Variants in GLCE observed in about 807,000 individuals in gnomAD.
GLCE encodes the protein D-glucuronyl C5-epimerase.
In GLCE, 19 loss-of-function variants were observed where a neutral mutation model predicts 47.9. That is an observed-to-expected ratio of 0.40 (90% confidence interval 0.28 to 0.58). The LOEUF is 0.58. Ranked by LOEUF, GLCE falls within the 20% of genes least tolerant of loss-of-function variation. GLCE has a pLI of 0.48. For missense variants in GLCE, 556 were observed against 743.3 expected (o/e 0.75, Z 2.93); for synonymous variants, 245 against 263.4 (o/e 0.93, Z 0.68).
At chr15:69,229,225 A>T (rs1039851966) in intron 2 of GLCE, among the ~76,000 whole-genome samples, 3 of 152,244 alleles carry the variant, frequency 2.0e-5, no homozygotes, top group Admixed American at 6.5e-5. Context: ...TGAACTTAAT[A>T]ATTTGGCTTT....
At chr15:69,182,508 G>A (rs768628197) in intron 1 of GLCE, among the ~76,000 whole-genome samples, 1 of 152,106 alleles carries the variant, frequency 6.6e-6, no homozygotes, top group African/African-American at 2.4e-5. Flanking sequence ...TCAGAAGGAA[G>A]ACAAGTAGTT....
At chr15:69,205,256 A>C (rs2052134483) in intron 1 of GLCE, among the ~76,000 whole-genome samples, 1 of 152,094 alleles carries the variant, frequency 6.6e-6, no homozygotes, top group African/African-American at 2.4e-5. Flanking sequence ...AAGCCATTTA[A>C]GACTGTTACA....
At chr15:69,252,065 A>G (rs572050543) in intron 2 of GLCE, among the ~76,000 whole-genome samples, 2 of 152,192 alleles carry the variant, frequency 1.3e-5, no homozygotes, top group South Asian at 4.1e-4. Flanking sequence ...GGAATTACTC[A>G]TTTCTTTAAG....
intron 1 of GLCE, among the ~76,000 whole-genome samples, chr15:69,181,336 A>G (rs2051746010): frequency 6.6e-6 from 1 of 152,214 alleles, no homozygotes; most frequent in Non-Finnish European, 1.5e-5. Context: ...AGATCAGATG[A>G]CTTCACTAAG....
chr15:69,255,860 A>G lies in GLCE; in HGVS notation c.54A>G (p.Ala18=), dbSNP rs762441867. The stretch of plus-strand genomic sequence containing the variant: ...ATAAGACTTTGATTATTATCTGCGC[A>G]CTCTTCACTTTGGTCACAGTACTTT... The part of the protein sequence containing the change: ...VNYKTLIIIC[A]LFTLVTVLLW... The change falls in exon 3 of 5, where the codon GCA becomes GCG. Residue 18 remains alanine, a synonymous_variant. Transcript: ENST00000261858. 13 of 1,613,810 alleles carry G rather than the reference A, an allele frequency of 8.1e-6. No homozygotes were observed. The highest frequency in any genetic ancestry group is 1.1e-5 in the Non-Finnish European group (13 of 1,179,962).
intron 2 of GLCE, among the ~76,000 whole-genome samples, chr15:69,223,675 T>C (rs1047743108): frequency 2.0e-5 from 3 of 152,156 alleles, no homozygotes; most frequent in East Asian, 3.9e-4. Context: ...CTTTCTCTTT[T>C]CTCCTCCTTT....
chr15:69,239,091 G>GT (rs1447380244), intron 2 of GLCE, among the ~76,000 whole-genome samples: 1 of 152,140 alleles, frequency 6.6e-6, no homozygotes, highest in Non-Finnish European at 1.5e-5. Flanking sequence ...ATAGAACCCG[G>GT]TTTTTTCCAC....
chr15:69,251,505 A>G (rs1019947988), intron 2 of GLCE, among the ~76,000 whole-genome samples: 4 of 152,352 alleles, frequency 2.6e-5, no homozygotes, highest in Admixed American at 6.5e-5. Flanking sequence ...GAGGGATTAC[A>G]TAATGCTAAT....
chr15:69,215,133 T>C (rs1183267394), intron 2 of GLCE, among the ~76,000 whole-genome samples: 1 of 152,180 alleles, frequency 6.6e-6, no homozygotes, highest in African/African-American at 2.4e-5. Flanking sequence ...GTTTTGTGGA[T>C]TTTGAAAAAT....
Position 69,255,777 on chromosome 15 carries a change from TC to T in GLCE, c.-13-16del. On this transcript the variant is annotated splice_polypyrimidine_tract_variant and intron_variant, in intron 2 of 4. Transcript: ENST00000261858. ...TAGTACATCTTTGCATGATTTTTTT[TC>T]TTCTTGCCTCCATAGGTATGGTCTG... 1 of 1,441,142 alleles carries T rather than the reference TC, an allele frequency of 6.9e-7. No individual in the cohort carries two copies. 89.3% of individuals were successfully genotyped at this position (1,441,142 alleles called of 1,614,324 possible).
At chr15:69,187,752 T>A (rs1451314261) in intron 1 of GLCE, among the ~76,000 whole-genome samples, 2 of 152,166 alleles carry the variant, frequency 1.3e-5, no homozygotes, top group Non-Finnish European at 2.9e-5. Flanking sequence ...TAAACCAACC[T>A]TGCTTTTTTT....
chr15:69,247,561 A>T (rs1264669396), intron 2 of GLCE, among the ~76,000 whole-genome samples: 2 of 152,198 alleles, frequency 1.3e-5, no homozygotes, highest in Non-Finnish European at 2.9e-5. Context: ...CATTGCTATC[A>T]CAGCTTGGCT....
chr15:69,191,868 G>T lies in GLCE; in HGVS notation c.-104-18448G>T, dbSNP rs75076916. On this transcript the variant is annotated intron_variant, in intron 1 of 4. Coordinates refer to ENST00000261858, the MANE Select transcript of GLCE (RefSeq NM_015554.3). ...TTTTTCCTGCATACTAGGTTGCCTT[G>T]TTTTTTTCCTTTTCTGTACTTTGTA... is the stretch of plus-strand genomic sequence containing the variant. Among the ~76,000 whole-genome samples the T allele has an allele frequency of 8.6e-3, 1,306 of 152,070 alleles. 13 individuals carry two copies. The highest frequency in any genetic ancestry group is 0.03 in the African/African-American group (1,251 of 41,482).
At chr15:69,244,221 A>G (rs1446947407) in intron 2 of GLCE, among the ~76,000 whole-genome samples, 2 of 152,218 alleles carry the variant, frequency 1.3e-5, no homozygotes, top group African/African-American at 2.4e-5. Flanking sequence ...CCACCTGGGG[A>G]CCAGGTAGCT....
At position 69,261,234 on chromosome 15, in the gene GLCE, A is replaced by T. The variant is rs1393602548; in HGVS notation, c.734A>T (p.Asn245Ile). ...VYETAEDRDK[N>I]KPNDWTVPKG... ...GAAACAGCAGAAGACAGAGACAAAA[A>T]CAAGCCTAATGACTGGACTGTGCCA... The change falls in exon 4 of 5, where the codon AAC (asparagine) becomes ATC (isoleucine). Residue 245 changes from asparagine (N) to isoleucine (I), a missense_variant. Physicochemically the swap from Asn to Ile is moderately radical, Grantham distance 149 (BLOSUM62 -3). Around this residue, in one of 3 missense-constraint regions of GLCE, gnomAD observed 237 missense variants for 310.9 expected, o/e 0.76. Transcript: ENST00000261858. 1.2e-6 allele frequency: 2 copies of T among 1,614,162 alleles called. No homozygotes were observed. The highest frequency in any genetic ancestry group is 1.3e-5 in the African/African-American group (1 of 75,046).
chr15:69,254,278 T>C (rs919513266), intron 2 of GLCE, among the ~76,000 whole-genome samples: 1 of 152,168 alleles, frequency 6.6e-6, no homozygotes, highest in Non-Finnish European at 1.5e-5. Context: ...TTCCCATGTT[T>C]CCCAATCATC....
intron 2 of GLCE, among the ~76,000 whole-genome samples, chr15:69,242,484 T>G (rs1236883366): frequency 6.6e-6 from 1 of 152,122 alleles, no homozygotes; most frequent in Non-Finnish European, 1.5e-5. Flanking sequence ...TATATCTATA[T>G]ACTATAGATA....
chr15:69,217,350 A>G lies in GLCE; in HGVS notation c.-14+6944A>G, dbSNP rs533906857. 2.0e-5 allele frequency among the ~76,000 whole-genome samples: 3 copies of G among 151,654 alleles called. No individual in the cohort carries two copies. In the South Asian group the frequency reaches 6.2e-4, roughly 32 times the overall value. On this transcript the variant is annotated intron_variant, in intron 2 of 4. Coordinates refer to ENST00000261858, the MANE Select transcript of GLCE (RefSeq NM_015554.3). ...CTAGAAATGTAAATGAGATGTAAAT[A>G]AGACCAACTGTTTTCCAAGACTTGT...
intron 1 of GLCE, among the ~76,000 whole-genome samples, chr15:69,188,624 G>A (rs2051866464): frequency 1.3e-5 from 2 of 152,006 alleles, no homozygotes; most frequent in Admixed American, 1.3e-4. Context: ...GTTTCTTCTT[G>A]AGTGAGCTTT....
Sources: gnomAD v4.1 joint callset for allele counts (sites outside exome capture counted in the v4.1 genomes callset) on GRCh38, gnomAD v4.1.1 for gene constraint, gnomAD v4.1.1 regional missense constraint, MANE v1.5 for transcripts, NCBI Gene and HGNC (gene_info 2026-07-23, HGNC 2026-07-21) for gene names.